RFX8: variants seen among roughly 807,000 people sequenced by gnomAD.
The protein encoded by RFX8 is regulatory factor X8, also known as DNA-binding protein RFX8.
RFX8 carries 46 observed loss-of-function variants against 54.6 expected under a neutral mutation model. That is an observed-to-expected ratio of 0.84 (90% CI 0.67 to 1.08). The LOEUF is 1.08. RFX8 is among the 50% of genes least tolerant of loss of function. RFX8 has a pLI of 0.00. For missense variants in RFX8, 536 were observed against 562.3 expected (o/e 0.95, Z 0.47); for synonymous variants, 192 against 209.5 (o/e 0.92, Z 0.72).
At chr2:101,423,758 G>A (rs1220809646) in intron 2 of RFX8, among the ~76,000 whole-genome samples, 1 of 152,062 alleles carries the variant, frequency 6.6e-6, no homozygotes, top group Non-Finnish European at 1.5e-5. Context: ...AACCACCTGT[G>A]CCCACCCTTT....
chr2:101,463,072 C>A (rs1281083869), intron 2 of RFX8, among the ~76,000 whole-genome samples: 7 of 152,162 alleles, frequency 4.6e-5, no homozygotes, highest in Non-Finnish European at 8.8e-5. Flanking sequence ...CCGTCCATCA[C>A]CCATCCACAC....
chr2:101,408,335 A>C (rs1410043802), intron 9 of RFX8, among the ~76,000 whole-genome samples: 1 of 152,160 alleles, frequency 6.6e-6, no homozygotes, highest in African/African-American at 2.4e-5. Context: ...AATACAAAAA[A>C]TTAGCTGGGC....
chr2:101,470,757 T>G (rs1689936307), intron 1 of RFX8, among the ~76,000 whole-genome samples: 1 of 142,634 alleles, frequency 7.0e-6, no homozygotes, highest in Admixed American at 7.0e-5. Context: ...TCTCACTCTG[T>G]CACCCAGGCT....
At chr2:101,450,091 T>A (rs910763900) in intron 2 of RFX8, among the ~76,000 whole-genome samples, 3 of 152,214 alleles carry the variant, frequency 2.0e-5, no homozygotes, top group African/African-American at 7.2e-5. Flanking sequence ...TGCCAGAGGC[T>A]GACAAAGGGA....
chr2:101,447,205 G>A (rs1302080834), intron 2 of RFX8, among the ~76,000 whole-genome samples: 1 of 152,160 alleles, frequency 6.6e-6, no homozygotes, highest in Non-Finnish European at 1.5e-5. Context: ...TGATTCCAGT[G>A]CAAATCTGAA....
intron 4 of RFX8, chr2:101,421,440 A>G (rs1202202468): frequency 9.0e-7 from 1 of 1,107,620 alleles, no homozygotes; most frequent in East Asian, 5.1e-5. Flanking sequence ...ATTCAAAATG[A>G]GCAGAATTAG....
chr2:101,461,279 A>AAAAAAAAAAG (rs1553459153), intron 2 of RFX8, among the ~76,000 whole-genome samples: 10 of 124,806 alleles, frequency 8.0e-5, no homozygotes, highest in East Asian at 6.6e-4. Flanking sequence ...AAAAAAAAAA[A>AAAAAAAAAAG]AAAGAAAGAA....
chr2:101,410,032 C>T (rs1410220521), intron 9 of RFX8, among the ~76,000 whole-genome samples: 1 of 152,154 alleles, frequency 6.6e-6, no homozygotes, highest in Non-Finnish European at 1.5e-5. Flanking sequence ...GAAATCAAGC[C>T]AGACATTTTA....
intron 1 of RFX8, among the ~76,000 whole-genome samples, chr2:101,470,203 T>C (rs934483040): frequency 2.6e-5 from 4 of 152,162 alleles, no homozygotes; most frequent in African/African-American, 9.7e-5. Flanking sequence ...CTGAGAGTTT[T>C]TGTGATCAGA....
intron 3 of RFX8, among the ~76,000 whole-genome samples, 200 bp from the exon 4 acceptor site, chr2:101,421,977 C>G (rs943212760): frequency 9.2e-5 from 14 of 152,280 alleles, no homozygotes; most frequent in Admixed American, 7.8e-4. Flanking sequence ...GTTCATGTAG[C>G]TTTCATTTCA....
chr2:101,468,835 G>A (rs1277868484), intron 1 of RFX8, among the ~76,000 whole-genome samples: 1 of 151,040 alleles, frequency 6.6e-6, no homozygotes, highest in East Asian at 1.9e-4. Context: ...TGACACTTCA[G>A]ATACTTCACA....
At chr2:101,464,031 C>G (rs765305088) in intron 2 of RFX8, among the ~76,000 whole-genome samples, 1 of 152,206 alleles carries the variant, frequency 6.6e-6, no homozygotes, top group South Asian at 2.1e-4. Flanking sequence ...CTCAAATGCT[C>G]ACTCAGGAGC....
rs141618570 is a variant in RFX8, at chr2:101,417,400, C to A, written c.502+134G>T. 2.2e-3 allele frequency: 1,617 copies of A among 746,106 alleles called. 21 individuals are homozygous for A. In the African/African-American group the frequency reaches 0.025, roughly 12 times the overall value. The allele number at this position is 746,106 out of a possible 1,614,324, so 46.2% of individuals were successfully genotyped here. ...TTAAAACTTTTTTGTGAGACAGGATCTCACTATGTTGCCCGGGCTGGTCTC... is the reference window on the plus strand; with the variant it reads ...TTAAAACTTTTTTGTGAGACAGGATATCACTATGTTGCCCGGGCTGGTCTC... On this transcript the variant is annotated intron_variant, in intron 6 of 11. Coordinates refer to ENST00000428343, the MANE Select transcript of RFX8 (RefSeq NM_001145664.2).
chr2:101,431,022 T>C (rs1687451585), intron 2 of RFX8, among the ~76,000 whole-genome samples: 1 of 152,224 alleles, frequency 6.6e-6, no homozygotes, highest in South Asian at 2.1e-4. Flanking sequence ...TTCCACATTG[T>C]GTCAGCATGC....
At position 101,414,923 on chromosome 2, in the gene RFX8, C is replaced by T. The variant is rs1442382305; in HGVS notation, c.503-11G>A. ...CAAATAGAGTAACTTCTGTTAAGAA[C>T]AACACACGTGGCCATTAATACAATA... On this transcript the variant is annotated splice_polypyrimidine_tract_variant and intron_variant, in intron 6 of 11. Transcript: ENST00000428343. 1.6e-5 allele frequency: 24 copies of T among 1,544,108 alleles called. No homozygotes were observed. The South Asian group carries it at 2.3e-4, about 15-fold the overall frequency.
chr2:101,446,395 C>T (rs530300439), intron 2 of RFX8, among the ~76,000 whole-genome samples: 156 of 149,526 alleles, frequency 1.0e-3, no homozygotes, highest in African/African-American at 3.3e-3. Context: ...AGGCTGGTCT[C>T]GATCTCCTGA....
intron 1 of RFX8, among the ~76,000 whole-genome samples, chr2:101,472,747 G>A (rs1345501345): frequency 6.6e-6 from 1 of 152,188 alleles, no homozygotes; most frequent in Non-Finnish European, 1.5e-5. Context: ...GCCCAGCGTG[G>A]TGGCTCACAC....
intron 2 of RFX8, among the ~76,000 whole-genome samples, chr2:101,442,397 C>T (rs189284936): frequency 1.3e-5 from 2 of 152,142 alleles, no homozygotes; most frequent in Admixed American, 6.5e-5. Context: ...GAAAAACTTT[C>T]TTTAGCTGAT....
chr2:101,407,840 C>T (rs1685834050), intron 9 of RFX8, among the ~76,000 whole-genome samples: 2 of 152,324 alleles, frequency 1.3e-5, no homozygotes, highest in East Asian at 1.9e-4. Context: ...CAGTGTGGCA[C>T]TTCATGTCCC....
Sources: gnomAD v4.1 joint callset for allele counts (sites outside exome capture counted in the v4.1 genomes callset) on GRCh38, gnomAD v4.1.1 for gene constraint, MANE v1.5 for transcripts, NCBI Gene and HGNC (gene_info 2026-07-23, HGNC 2026-07-21) for gene names.